CPM: variants seen among roughly 807,000 people sequenced by gnomAD.
CPM encodes renal carboxypeptidase.
Under a neutral mutation model 46.4 loss-of-function variants are expected in CPM, and 35 were observed. That is an observed-to-expected ratio of 0.75 (90% CI 0.58 to 1.00). CPM has a LOEUF of 1.00. Ranked by LOEUF, CPM falls within the 50% of genes least tolerant of loss-of-function variation. The pLI, the probability that CPM is intolerant of heterozygous loss-of-function variation, is 0.00. For synonymous variants in CPM, 195 were observed against 195.3 expected (o/e 1.00, Z 0.01); for missense variants, 422 against 530.4 (o/e 0.80, Z 2.01).
chr12:68,842,258 A>G (rs752277202), exon 6 of CPM: 9 of 497,080 alleles, frequency 1.8e-5, no homozygotes, highest in Middle Eastern at 3.0e-4. Context: ...AAAAAGGACT[A>G]CGGAAAGTTC....
chr12:68,920,698 TC>T (rs202246558), intron 2 of CPM, among the ~76,000 whole-genome samples: 2,233 of 142,896 alleles, frequency 0.016, 149 homozygotes, highest in African/African-American at 0.054. Context: ...TTTTTCTTTT[TC>T]TTTTTTTTTT....
intron 2 of CPM, among the ~76,000 whole-genome samples, chr12:68,921,904 T>A (rs1244713496): frequency 6.6e-6 from 1 of 152,206 alleles, no homozygotes; most frequent in Non-Finnish European, 1.5e-5. Context: ...ATGTATTATT[T>A]AATATACTAC....
intron 2 of CPM, among the ~76,000 whole-genome samples, chr12:68,930,692 A>G (rs1888464407): frequency 6.6e-6 from 1 of 152,230 alleles, no homozygotes; most frequent in Admixed American, 6.5e-5. Flanking sequence ...TAACCGCAAG[A>G]GTGCATACAA....
intron 1 of CPM, among the ~76,000 whole-genome samples, chr12:68,949,405 T>C (rs1288917159): frequency 6.6e-6 from 1 of 152,178 alleles, no homozygotes; most frequent in African/African-American, 2.4e-5. Flanking sequence ...GTACAGATTC[T>C]GGAGCCCAGT....
chr12:68,881,084 G>T (rs1886169383), intron 3 of CPM, among the ~76,000 whole-genome samples: 1 of 152,170 alleles, frequency 6.6e-6, no homozygotes, highest in African/African-American at 2.4e-5. Context: ...AGTTGATTTT[G>T]CTACCCGGAG....
intron 2 of CPM, among the ~76,000 whole-genome samples, chr12:68,930,323 C>G (rs1888448381): frequency 6.6e-6 from 1 of 152,242 alleles, no homozygotes; most frequent in African/African-American, 2.4e-5. Context: ...CTCAGGTGAT[C>G]CTCCCGCCTC....
At chr12:68,878,339 T>C (rs1886045732) in intron 3 of CPM, among the ~76,000 whole-genome samples, 1 of 152,242 alleles carries the variant, frequency 6.6e-6, no homozygotes, top group East Asian at 1.9e-4. Flanking sequence ...TTAGAAATTA[T>C]GGCTTAGGAG....
intron 7 of CPM, among the ~76,000 whole-genome samples, chr12:68,861,473 C>T (rs751589628): frequency 1.3e-5 from 2 of 151,806 alleles, no homozygotes; most frequent in South Asian, 2.1e-4. Context: ...CCAACCAAAT[C>T]GAAGAAAATC....
intron 2 of CPM, among the ~76,000 whole-genome samples, chr12:68,920,086 T>G (rs934255649): frequency 2.0e-5 from 3 of 152,172 alleles, no homozygotes; most frequent in African/African-American, 7.2e-5. Context: ...CTCTTTCTCT[T>G]GTTTCTGCTT....
At position 68,953,686 on chromosome 12, in the gene CPM, T is replaced by C. The variant is rs147641198; in HGVS notation, c.-4+9483A>G. ...AGCCTGGAGGCAGAGAGAGTTCTTGTTGGTGACAAGGGCTACTTGTGACTC... is the reference window on the plus strand; with the variant it reads ...AGCCTGGAGGCAGAGAGAGTTCTTGCTGGTGACAAGGGCTACTTGTGACTC... On this transcript the variant is annotated intron_variant, in intron 1 of 8. Coordinates refer to the CPM transcript ENST00000546373. Among the ~76,000 whole-genome samples, 711 of 152,350 alleles carry C rather than the reference T, an allele frequency of 4.7e-3. 3 individuals are homozygous for C. Among genetic ancestry groups the C allele is most frequent in the African/African-American group, 0.016 (681 of 41,590 alleles).
chr12:68,904,176 G>C (rs2136282292), intron 2 of CPM, among the ~76,000 whole-genome samples: 1 of 152,284 alleles, frequency 6.6e-6, no homozygotes, highest in East Asian at 1.9e-4. Context: ...CACCATGCTT[G>C]GCAAGTCAGG....
At chr12:68,843,820 C>CT (rs966414645) in intron 5 of CPM, 43 of 219,190 alleles carry the variant, frequency 2.0e-4, no homozygotes, top group Non-Finnish European at 3.1e-4. Context: ...AGCAGAATCT[C>CT]TTTTTTTTGG....
chr12:68,952,734 C>T (rs1294450452), intron 1 of CPM, among the ~76,000 whole-genome samples: 1 of 152,200 alleles, frequency 6.6e-6, no homozygotes, highest in East Asian at 1.9e-4. Flanking sequence ...GGATCTCTGT[C>T]TTCTCCAAAT....
At chr12:68,873,753 T>C (rs902726404) in intron 3 of CPM, among the ~76,000 whole-genome samples, 12 of 151,974 alleles carry the variant, frequency 7.9e-5, no homozygotes, top group African/African-American at 2.7e-4. Flanking sequence ...AGAGTCAGAT[T>C]ATGTCCAATC....
intron 1 of CPM, among the ~76,000 whole-genome samples, chr12:68,941,864 T>C (rs1888770222): frequency 6.6e-6 from 1 of 152,176 alleles, no homozygotes; most frequent in Non-Finnish European, 1.5e-5. Context: ...TTGTTTTTGA[T>C]AAAAAAGGAA....
chr12:68,847,065 AG>A (rs1884344876), downstream of CPM: 1 of 149,924 alleles, frequency 6.7e-6, no homozygotes. Flanking sequence ...GACTCACTGC[AG>A]CCTCCTGAGT....
rs141845513 is a variant in CPM, at chr12:68,906,658, T to C, written c.161-20769A>G. ...GTATCCGCCATCACACCTGGCTAAT[T>C]GTTTTGTATTTTTAGTAGAGACGGG... On this transcript the variant is annotated intron_variant, in intron 2 of 8. Coordinates refer to ENST00000551568, the MANE Select transcript of CPM (RefSeq NM_198320.5). 3.9e-5 allele frequency among the ~76,000 whole-genome samples: 6 copies of C among 152,056 alleles called. No individual in the cohort carries two copies. In the East Asian group the frequency reaches 9.7e-4, roughly 25 times the overall value.
intron 2 of CPM, among the ~76,000 whole-genome samples, chr12:68,909,095 C>CT (rs1306870322): frequency 2.6e-5 from 4 of 152,312 alleles, no homozygotes; most frequent in South Asian, 2.1e-4. Context: ...GGTTCTCGCT[C>CT]TGTCACCCAG....
chr12:68,937,462 C>T (rs183775884), upstream of CPM, among the ~76,000 whole-genome samples: 19 of 152,276 alleles, frequency 1.2e-4, no homozygotes, highest in East Asian at 3.5e-3. Context: ...ACAACACAGC[C>T]TCCCACAACA....
Sources: gnomAD v4.1 joint callset for allele counts (sites outside exome capture counted in the v4.1 genomes callset) on GRCh38, gnomAD v4.1.1 for gene constraint, MANE v1.5 for transcripts, NCBI Gene and HGNC (gene_info 2026-07-23, HGNC 2026-07-21) for gene names.